Variants in CAMKK2 observed in about 807,000 individuals in gnomAD.
CAMKK2 encodes the protein calcium/calmodulin-dependent protein kinase kinase 2.
A neutral mutation model predicts 67.2 loss-of-function variants in CAMKK2; 30 were observed. That is an observed-to-expected ratio of 0.45 (90% CI 0.33 to 0.61). The LOEUF (loss-of-function observed/expected upper bound fraction) is 0.61, where lower values mean the gene tolerates loss of function less well. Among genes scored for constraint, CAMKK2 ranks in the 20% least tolerant of loss-of-function variants. The pLI, the probability that CAMKK2 is intolerant of heterozygous loss-of-function variation, is 0.02. For synonymous variants in CAMKK2, 322 were observed against 326.2 expected (o/e 0.99, Z 0.14); for missense variants, 643 against 802.0 (o/e 0.80, Z 2.39).
intron 1 of CAMKK2, among the ~76,000 whole-genome samples, chr12:121,288,436 A>G (rs763923726): frequency 2.6e-5 from 4 of 152,170 alleles, no homozygotes; most frequent in Admixed American, 6.5e-5. Flanking sequence ...GCGGGGCCCA[A>G]CGTCCCCACA....
chr12:121,272,646 T>C (rs932688138), intron 2 of CAMKK2, among the ~76,000 whole-genome samples: 11 of 149,312 alleles, frequency 7.4e-5, no homozygotes, highest in Non-Finnish European at 1.5e-4. Context: ...GTGGATCACC[T>C]GAGGTCAGGA....
At position 121,253,307 on chromosome 12, in the gene CAMKK2, G is replaced by A. The variant is rs771856117; in HGVS notation, c.1073C>T (p.Ser358Leu). 9.9e-6 allele frequency: 16 copies of A among 1,614,064 alleles called. No individual in the cohort carries two copies. Among genetic ancestry groups the A allele is most frequent in the African/African-American group, 5.3e-5 (4 of 74,920 alleles). The change falls in exon 10 of 17, where the codon TCG (serine) becomes TTG (leucine). Residue 358 changes from serine (S) to leucine (L), a missense_variant. Physicochemically the swap from Ser to Leu is moderately radical, Grantham distance 145. This residue lies in a region of CAMKK2 where 483 missense variants were observed against 625.8 expected (regional missense o/e 0.77). Transcript: ENST00000404169. The surrounding 1 kb of genome is among the most constrained non-coding windows in gnomAD (Gnocchi z 5.0). Reference sequence around the variant, plus strand: ...GAAGATCTTGCGGGTCTCAGAGAGCGACTCGGGTGCCATGAAGGCGGGCGT... The same window carrying A: ...GAAGATCTTGCGGGTCTCAGAGAGCAACTCGGGTGCCATGAAGGCGGGCGT... The part of the protein sequence containing the change: ...VGTPAFMAPE[S>L]LSETRKIFSG...
At chr12:121,273,780 C>T (rs1277549889) in intron 2 of CAMKK2, among the ~76,000 whole-genome samples, 1 of 152,086 alleles carries the variant, frequency 6.6e-6, no homozygotes, top group African/African-American at 2.4e-5. Context: ...CAGGGTCCCA[C>T]GGAAGGAAAA....
At chr12:121,244,064 T>C (rs201878496) in intron 16 of CAMKK2, 1 of 1,603,188 alleles carries the variant, frequency 6.2e-7, no homozygotes, top group South Asian at 1.1e-5. Flanking sequence ...AAGGTCTGCA[T>C]CCACTCGGGT....
rs1422266404 is a variant in CAMKK2, at chr12:121,240,921, G to A, written c.1597-52C>T. 6.3e-7 allele frequency: 1 copy of A among 1,589,366 alleles called. No homozygotes were observed. The highest frequency in any genetic ancestry group is 8.6e-7 in the Non-Finnish European group (1 of 1,167,662). ...TAAGACTCTGAGAAATGCCAGCGAG[G>A]CCCTGAGCCAGCTGCTCCCACATCT... On this transcript the variant is annotated intron_variant, in intron 16 of 16. Transcript: ENST00000404169. This position sits in a 1 kb window ranked among gnomAD's most constrained non-coding sequence, Gnocchi z 4.4.
Position 121,240,725 on chromosome 12 carries a change from G to A in CAMKK2, c.1741C>T (p.Pro581Ser), listed in dbSNP as rs1384713240. 1.9e-6 allele frequency: 3 copies of A among 1,607,184 alleles called. No homozygotes were observed. The African/African-American group carries it at 4.0e-5, about 22-fold the overall frequency. ...GSPARMHPLRPEEAMEPE is the reference protein window; with the variant it reads ...GSPARMHPLRSEEAMEPE ...TACTCGGGCTCCATGGCCTCCTCCG[G>A]CCGCAGTGGATGCATGCGTGCGGGG... Residue 581 changes from proline (P) to serine (S), a missense_variant, in exon 17 of 17, where the codon CCG (proline) becomes TCG (serine). Pro to Ser is a moderately conservative substitution (Grantham distance 74, BLOSUM62 -1). Transcript: ENST00000404169. The surrounding 1 kb of genome is among the most constrained non-coding windows in gnomAD (Gnocchi z 4.4).
At chr12:121,258,803 AC>A (rs529350150) in intron 7 of CAMKK2, among the ~76,000 whole-genome samples, 12 of 146,618 alleles carry the variant, frequency 8.2e-5, no homozygotes, top group Admixed American at 1.4e-4. Flanking sequence ...GTCAGCTCAA[AC>A]CCCCCAATGG....
Position 121,252,642 on chromosome 12 carries a change from A to AGACACC in CAMKK2, c.1161+13_1161+18dup. ...GGCCACCCAGCAGTACTGAGGGGACAGACACCCCGCCCTCTTACCTGGCCA... is the reference window on the plus strand; with the variant it reads ...GGCCACCCAGCAGTACTGAGGGGACAGACACCGACACCCCGCCCTCTTACCTGGCCA... On this transcript the variant is annotated intron_variant, in intron 11 of 16. Transcript: ENST00000404169. 1.2e-6 allele frequency: 2 copies of AGACACC among 1,613,248 alleles called. No homozygotes were observed. The highest frequency in any genetic ancestry group is 1.7e-6 in the Non-Finnish European group (2 of 1,179,184).
At position 121,272,008 on chromosome 12, in the gene CAMKK2, C is replaced by T. The variant is rs12582753; in HGVS notation, c.472-1063G>A. Among the ~76,000 whole-genome samples, 2,160 of 151,910 alleles carry T rather than the reference C, an allele frequency of 0.014. 202 individuals are homozygous for T. The East Asian group carries it at 0.26, about 19-fold the overall frequency. On this transcript the variant is annotated intron_variant, in intron 2 of 16. Transcript: ENST00000404169. ...TACAGGCGTGAGCTACTGGGCCTAG[C>T]CTATTTTGTTTTTTGTAGAGATGGG... is the stretch of plus-strand genomic sequence containing the variant.
Position 121,240,654 on chromosome 12 carries a change from C to A in CAMKK2, c.*45G>T. 2 of 1,549,462 alleles carry A rather than the reference C, an allele frequency of 1.3e-6. No individual in the cohort carries two copies. The highest frequency in any genetic ancestry group is 1.7e-6 in the Non-Finnish European group (2 of 1,153,070). Reference sequence around the variant, plus strand: ...TATGGAAACGCGGTGCAGCAGCCCCCCAGAGGCGACGCGGCGCGCATGCGA... The same window carrying A: ...TATGGAAACGCGGTGCAGCAGCCCCACAGAGGCGACGCGGCGCGCATGCGA... On this transcript the variant is annotated 3_prime_UTR_variant, in exon 17 of 17. Coordinates refer to ENST00000404169, the MANE Select transcript of CAMKK2 (RefSeq NM_001270485.2). The surrounding 1 kb of genome is among the most constrained non-coding windows in gnomAD (Gnocchi z 4.4).
rs200090154 is a variant in CAMKK2, at chr12:121,240,762, G to A, written c.1704C>T (p.Pro568=). The A allele has an allele frequency of 3.5e-4, 555 of 1,608,492 alleles. 4 individuals carry two copies. The South Asian group carries it at 5.7e-3, about 16-fold the overall frequency. Residue 568 remains proline (P), a synonymous_variant, in exon 17 of 17, where the codon CCC becomes CCT. Transcript: ENST00000404169. This position sits in a 1 kb window ranked among gnomAD's most constrained non-coding sequence, Gnocchi z 4.4. ...GCATGCGTGCGGGGGAGCCGGGGGC[G>A]GGGGCCCAGCAACTTTCCACGCAGG... ...GSPCVESCWA[P]APGSPARMHP...
chr12:121,266,902 A>G (rs1378382022), intron 5 of CAMKK2, among the ~76,000 whole-genome samples: 1 of 151,906 alleles, frequency 6.6e-6, no homozygotes, highest in Non-Finnish European at 1.5e-5. Flanking sequence ...GCAGCCTATC[A>G]TCTGACCACA....
At chr12:121,269,866 T>G (rs767076502) in intron 3 of CAMKK2, 13 of 284,718 alleles carry the variant, frequency 4.6e-5, no homozygotes, top group Non-Finnish European at 7.9e-5. Flanking sequence ...CTGGCCAACA[T>G]GATGAAACCG....
intron 9 of CAMKK2, among the ~76,000 whole-genome samples, 156 bp downstream of exon 9, chr12:121,255,394 A>ATATG (rs1892045093): frequency 1.0e-5 from 1 of 95,616 alleles, no homozygotes; most frequent in Admixed American, 1.5e-4. Flanking sequence ...ATATATATAT[A>ATATG]TGTATCTCCT....
At chr12:121,248,895 C>T (rs56762425) in intron 13 of CAMKK2, among the ~76,000 whole-genome samples, 161 bp from the exon 14 acceptor site, 13 of 152,276 alleles carry the variant, frequency 8.5e-5, no homozygotes, top group African/African-American at 1.9e-4. Flanking sequence ...AGCAAAGGGG[C>T]GGAAACATGA....
At chr12:121,297,585 G>T (rs1280756247), upstream of CAMKK2, 1 of 516,472 alleles carries the variant, frequency 1.9e-6, no homozygotes, top group South Asian at 1.4e-5. Flanking sequence ...CTGGATAACA[G>T]CACTGTGCGG....
chr12:121,267,493 A>T lies in CAMKK2; in HGVS notation c.625+1145T>A, dbSNP rs569858460. ...CAACCATCACCATTATCTATTGCATATTTTTTTTTCTTTTTTTGAGATGGA... is the reference window on the plus strand; with the variant it reads ...CAACCATCACCATTATCTATTGCATTTTTTTTTTTCTTTTTTTGAGATGGA... On this transcript the variant is annotated intron_variant, in intron 5 of 16. Transcript: ENST00000404169. Among the ~76,000 whole-genome samples, 21 of 141,166 alleles carry T rather than the reference A, an allele frequency of 1.5e-4. No individual in the cohort carries two copies. The South Asian group carries it at 2.5e-3, about 17-fold the overall frequency. The allele number at this position is 141,166 out of a possible 152,430, so 92.6% of individuals were successfully genotyped here.
At chr12:121,284,394 G>A (rs141092256) in intron 1 of CAMKK2, among the ~76,000 whole-genome samples, 33 of 151,658 alleles carry the variant, frequency 2.2e-4, no homozygotes, top group African/African-American at 8.0e-4. Flanking sequence ...GTGTGATCTC[G>A]GCTCAGCGCA....
rs35403710 is a variant in CAMKK2, at chr12:121,274,159, C to G, written c.368G>C (p.Cys123Ser). The change falls in exon 2 of 17, where the codon TGC (cysteine) becomes TCC (serine). Residue 123 changes from cysteine to serine, a missense_variant. Cys to Ser is a moderately radical substitution (Grantham distance 112). This residue lies in a region of CAMKK2 where 483 missense variants were observed against 625.8 expected (regional missense o/e 0.77). Transcript: ENST00000404169. ...GSLDMNGRCI[C>S]PSLPYSPVSS... The stretch of plus-strand genomic sequence containing the variant: ...GACGGGTGAGTAGGGCAGGGACGGG[C>G]AGATGCAGCGTCCGTTCATGTCCAG... 1 of 1,594,852 alleles carries G rather than the reference C, an allele frequency of 6.3e-7. No homozygotes were observed.
Sources: gnomAD v4.1 joint callset for allele counts (sites outside exome capture counted in the v4.1 genomes callset) on GRCh38, gnomAD v4.1.1 for gene constraint, gnomAD v4.1.1 regional missense constraint, Gnocchi (gnomAD v3.1) non-coding constraint, MANE v1.5 for transcripts, NCBI Gene and HGNC (gene_info 2026-07-23, HGNC 2026-07-21) for gene names.